The following C9orf152 variants were observed in gnomAD, a reference collection of about 807,000 sequenced individuals.
The protein encoded by C9orf152 is chromosome 9 open reading frame 152.
In C9orf152, 8 loss-of-function variants were observed where a neutral mutation model predicts 8.5. That is an observed-to-expected ratio of 0.94 (90% CI 0.55 to 1.70). The LOEUF (loss-of-function observed/expected upper bound fraction) is 1.70. C9orf152 is among the 40% of genes most tolerant of loss of function. The pLI is 0.00. For missense variants in C9orf152, 293 were observed against 286.2 expected (o/e 1.02, Z -0.17); for synonymous variants, 109 against 113.0 (o/e 0.96, Z 0.22).
Position 110,207,771 on chromosome 9 carries a change from G to A in C9orf152, c.-192C>T. 1 of 521,124 alleles carries A rather than the reference G, an allele frequency of 1.9e-6. No individual in the cohort carries two copies. The highest frequency in any genetic ancestry group is 3.3e-6 in the Non-Finnish European group (1 of 300,896). The allele number at this position is 521,124 out of a possible 1,614,324, so 32.3% of individuals were successfully genotyped here. On this transcript the variant is annotated 5_prime_UTR_variant, in exon 1 of 2. Coordinates refer to ENST00000400613, the MANE Select transcript of C9orf152 (RefSeq NM_001012993.3). ...GAAGGGGAAGAGGAGGTAGGGATAG[G>A]GAGAAATGTGGGGGAGGAGAAAGGT...
intron 1 of C9orf152, among the ~76,000 whole-genome samples, chr9:110,202,115 C>G (rs927820281): frequency 6.6e-6 from 1 of 152,168 alleles, no homozygotes; most frequent in Non-Finnish European, 1.5e-5. Context: ...GAGTCTCACT[C>G]TGTTGCCCAG....
Position 110,207,373 on chromosome 9 carries a change from C to A in C9orf152, c.193+14G>T, listed in dbSNP as rs570380731. ...TGGTAAGTCTCTCCTTCCCCAGCACCTGTCCATTCCTACCTTTTGGAAGCA... is the reference window on the plus strand; with the variant it reads ...TGGTAAGTCTCTCCTTCCCCAGCACATGTCCATTCCTACCTTTTGGAAGCA... On this transcript the variant is annotated intron_variant, in intron 1 of 1. Coordinates refer to ENST00000400613, the MANE Select transcript of C9orf152 (RefSeq NM_001012993.3). 1 of 1,609,200 alleles carries A rather than the reference C, an allele frequency of 6.2e-7. No individual in the cohort carries two copies. The highest frequency in any genetic ancestry group is 2.2e-5 in the East Asian group (1 of 44,574).
chr9:110,207,721 A>G lies in C9orf152; in HGVS notation c.-142T>C. On this transcript the variant is annotated 5_prime_UTR_variant, in exon 1 of 2. Transcript: ENST00000400613. ...GGAGTGGGACTGAGGAAGGAGATAG[A>G]AAAATAAGGGGGAAGGAGAAAGATG... 1.7e-6 allele frequency: 1 copy of G among 573,562 alleles called. No homozygotes were observed. The highest frequency in any genetic ancestry group is 2.9e-6 in the Non-Finnish European group (1 of 340,766). 35.5% of individuals were successfully genotyped at this position (573,562 alleles called of 1,614,324 possible).
At position 110,201,336 on chromosome 9, in the gene C9orf152, T is replaced by G; in HGVS notation, c.332A>C (p.Gln111Pro). The stretch of plus-strand genomic sequence containing the variant: ...CGTGTGCCATGGAGACTTGGGGGCC[T>G]GAAGGCAGCCCTGGGCAGCCTCCTC... Reference protein sequence around the residue: ...RLEEAAQGCLQAPKSPWHTHL... With the variant: ...RLEEAAQGCLPAPKSPWHTHL... Residue 111 changes from glutamine to proline, a missense_variant, in exon 2 of 2, where the codon CAG becomes CCG. Gln to Pro is a moderately conservative substitution (Grantham distance 76). Transcript: ENST00000400613. The G allele has an allele frequency of 6.2e-7, 1 of 1,612,104 alleles. No individual in the cohort carries two copies. Among genetic ancestry groups the G allele is most frequent in the Non-Finnish European group, 8.5e-7 (1 of 1,178,962 alleles).
Position 110,201,487 on chromosome 9 carries a change from T to G in C9orf152, c.194-13A>C, listed in dbSNP as rs1178038277. 3 of 1,502,558 alleles carry G rather than the reference T, an allele frequency of 2.0e-6. No homozygotes were observed. Among genetic ancestry groups the G allele is most frequent in the South Asian group, 1.3e-5 (1 of 74,126 alleles). The allele number at this position is 1,502,558 out of a possible 1,614,324, so 93.1% of individuals were successfully genotyped here. A position where few individuals can be genotyped will look rare whatever the true frequency, so the allele number is the denominator to read the frequency against. The stretch of plus-strand genomic sequence containing the variant: ...GGTGTGTTTCCTCCTGAAAAGAGAA[T>G]GCACCAGCAGGGTCATCACTGGAAG... On this transcript the variant is annotated splice_polypyrimidine_tract_variant and intron_variant, in intron 1 of 1. Transcript: ENST00000400613.
intron 1 of C9orf152, among the ~76,000 whole-genome samples, chr9:110,203,397 G>T (rs772577233): frequency 2.0e-5 from 3 of 152,202 alleles, no homozygotes; most frequent in Non-Finnish European, 4.4e-5. Flanking sequence ...CACAATGGGA[G>T]AACCTAGAAA....
intron 1 of C9orf152, among the ~76,000 whole-genome samples, chr9:110,205,660 G>A (rs1215531671): frequency 1.3e-5 from 2 of 152,196 alleles, no homozygotes; most frequent in African/African-American, 4.8e-5. Flanking sequence ...GTTTAAAGCT[G>A]CATATTAAGT....
rs1837192564 is a variant in C9orf152 at position 110,200,033 on chromosome 9, T to G, written c.*915A>C. ...TTTCAAGTAGGAGCATTTCTTTGCC[T>G]CTTTTGTTCAGGATCTCATCATTAT... On this transcript the variant is annotated 3_prime_UTR_variant, in exon 2 of 2. Transcript: ENST00000400613. 6.6e-6 allele frequency: 1 copy of G among 152,192 alleles called. No homozygotes were observed. Among genetic ancestry groups the G allele is most frequent in the Admixed American group, 6.5e-5 (1 of 15,270 alleles). 9.4% of individuals were successfully genotyped at this position (152,192 alleles called of 1,614,324 possible).
Position 110,200,962 on chromosome 9 carries a change from A to G in C9orf152, c.706T>C (p.Tyr236His). The G allele has an allele frequency of 1.9e-6, 3 of 1,610,224 alleles. No individual in the cohort carries two copies. Among genetic ancestry groups the G allele is most frequent in the Non-Finnish European group, 2.5e-6 (3 of 1,178,302 alleles). ...ISQAARNLGL[Y>H]GSA ...AATAGAAAGCTTCACGCTGAGCCAT[A>G]TAAGCCCAGGTTCCGGGCAGCTTGG... The change falls in exon 2 of 2, where the codon TAT becomes CAT. Residue 236 changes from tyrosine to histidine, a missense_variant. Transcript: ENST00000400613.
At chr9:110,202,235 C>T (rs1837232302) in intron 1 of C9orf152, among the ~76,000 whole-genome samples, 1 of 152,186 alleles carries the variant, frequency 6.6e-6, no homozygotes, top group African/African-American at 2.4e-5. Context: ...GCACCTGCCA[C>T]CATGCCTGAC....
At chr9:110,206,361 AT>A (rs1455808539) in intron 1 of C9orf152, among the ~76,000 whole-genome samples, 4 of 152,226 alleles carry the variant, frequency 2.6e-5, no homozygotes, top group Admixed American at 6.5e-5. Context: ...TTGTGTTTCC[AT>A]TTGATAGGGA....
In C9orf152 at chr9:110,202,095, T is replaced by TTTG. The variant is rs1837229738; in HGVS notation, c.194-622_194-621insCAA. Among the ~76,000 whole-genome samples the TTTG allele has an allele frequency of 5.6e-5, 8 of 142,486 alleles. No individual in the cohort carries two copies. In the South Asian group the frequency reaches 9.2e-4, roughly 16 times the overall value. The allele number at this position is 142,486 out of a possible 152,430, so 93.5% of individuals were successfully genotyped here. A position where few individuals can be genotyped will look rare whatever the true frequency, so the allele number is the denominator to read the frequency against. ...TTTTTGTTTGTTTGTTTGTTTGTTT[T>TTTG]TTTGAGACAGAGTCTCACTCTGTTG... On this transcript the variant is annotated intron_variant, in intron 1 of 1. Coordinates refer to ENST00000400613, the MANE Select transcript of C9orf152 (RefSeq NM_001012993.3).
chr9:110,201,308 G>C lies in C9orf152; in HGVS notation c.360C>G (p.His120Gln). 6.2e-7 allele frequency: 1 copy of C among 1,613,774 alleles called. No individual in the cohort carries two copies. Among genetic ancestry groups the C allele is most frequent in the Non-Finnish European group, 8.5e-7 (1 of 1,179,850 alleles). ...TTTGGACCAAACAATGCATCTCCAG[G>C]TGCGTGTGCCATGGAGACTTGGGGG... The part of the protein sequence containing the change: ...LQAPKSPWHT[H>Q]LEMHCLVQTS... The change falls in exon 2 of 2, where the codon CAC becomes CAG. Residue 120 changes from histidine (H) to glutamine (Q), a missense_variant. By Grantham distance (24) the His-to-Gln change is conservative (BLOSUM62 0). Coordinates refer to ENST00000400613, the MANE Select transcript of C9orf152 (RefSeq NM_001012993.3).
In C9orf152 at chr9:110,200,015, T is replaced by C. The variant is rs1387450212; in HGVS notation, c.*933A>G. 1 of 152,138 alleles carries C rather than the reference T, an allele frequency of 6.6e-6. No homozygotes were observed. Among genetic ancestry groups the C allele is most frequent in the Non-Finnish European group, 1.5e-5 (1 of 68,036 alleles). The allele number at this position is 152,138 out of a possible 1,614,324, so 9.4% of individuals were successfully genotyped here. On this transcript the variant is annotated 3_prime_UTR_variant, in exon 2 of 2. Coordinates refer to ENST00000400613, the MANE Select transcript of C9orf152 (RefSeq NM_001012993.3). Reference sequence around the variant, plus strand: ...CTATAGGGAATGTGTATTTTTCAAGTAGGAGCATTTCTTTGCCTCTTTTGT... The same window carrying C: ...CTATAGGGAATGTGTATTTTTCAAGCAGGAGCATTTCTTTGCCTCTTTTGT...
At position 110,207,372 on chromosome 9, in the gene C9orf152, C is replaced by A; in HGVS notation, c.193+15G>T. Reference sequence around the variant, plus strand: ...ATGGTAAGTCTCTCCTTCCCCAGCACCTGTCCATTCCTACCTTTTGGAAGC... The same window carrying A: ...ATGGTAAGTCTCTCCTTCCCCAGCAACTGTCCATTCCTACCTTTTGGAAGC... On this transcript the variant is annotated intron_variant, in intron 1 of 1. Coordinates refer to ENST00000400613, the MANE Select transcript of C9orf152 (RefSeq NM_001012993.3). 6.2e-7 allele frequency: 1 copy of A among 1,609,100 alleles called. No homozygotes were observed. The highest frequency in any genetic ancestry group is 8.5e-7 in the Non-Finnish European group (1 of 1,178,010).
rs200090335 is a variant in C9orf152 at position 110,207,560 on chromosome 9, G to C, written c.20C>G (p.Pro7Arg). Residue 7 changes from proline (P) to arginine (R), a missense_variant, in exon 1 of 2, where the codon CCG (proline) becomes CGG (arginine). Physicochemically the swap from Pro to Arg is moderately radical, Grantham distance 103. Transcript: ENST00000400613. MEGLPC[P>R]CPALPHFWQL... ...CCAGAAGTGGGGCAGGGCTGGGCAC[G>C]GGCAGGGCAACCCCTCCATCCGGAT... The C allele has an allele frequency of 1.3e-6, 2 of 1,598,868 alleles. No individual in the cohort carries two copies. Among genetic ancestry groups the C allele is most frequent in the Non-Finnish European group, 1.7e-6 (2 of 1,174,086 alleles).
intron 1 of C9orf152, among the ~76,000 whole-genome samples, chr9:110,206,287 T>C (rs988278296): frequency 1.3e-5 from 2 of 151,296 alleles, no homozygotes; most frequent in Non-Finnish European, 2.9e-5. Context: ...GAATTTGAGA[T>C]GTCTTTGGAT....
In C9orf152 at chr9:110,207,653, T is replaced by G. The variant is rs1837290526; in HGVS notation, c.-74A>C. On this transcript the variant is annotated 5_prime_UTR_variant, in exon 1 of 2. Transcript: ENST00000400613. Reference sequence around the variant, plus strand: ...GAGGGGAGAGAGAGGGAGGGGGCAGTGAGGGAGAAGGAGAAGTGACGGGCA... The same window carrying G: ...GAGGGGAGAGAGAGGGAGGGGGCAGGGAGGGAGAAGGAGAAGTGACGGGCA... 14 of 1,161,356 alleles carry G rather than the reference T, an allele frequency of 1.2e-5. No homozygotes were observed. Among genetic ancestry groups the G allele is most frequent in the Admixed American group, 3.3e-5 (1 of 30,166 alleles). 71.9% of individuals were successfully genotyped at this position (1,161,356 alleles called of 1,614,324 possible).
At chr9:110,204,770 C>A (rs1018069491) in intron 1 of C9orf152, among the ~76,000 whole-genome samples, 1 of 152,154 alleles carries the variant, frequency 6.6e-6, no homozygotes. Context: ...GCCCCACTTC[C>A]CCATGCCCCA....
Sources: allele counts gnomAD v4.1 joint callset (sites outside exome capture counted in the v4.1 genomes callset), GRCh38; gene constraint gnomAD v4.1.1; transcripts MANE v1.5; gene names NCBI Gene and HGNC (gene_info 2026-07-23, HGNC 2026-07-21).